The following PCBP2 variants were observed in gnomAD, a reference collection of about 807,000 sequenced individuals.
PCBP2 encodes the protein poly(rC) binding protein 2.
PCBP2 carries 4 observed loss-of-function variants against 50.1 expected under a neutral mutation model. The ratio of observed to expected loss-of-function variants is 0.08; its 90% CI spans 0.04 to 0.18. The LOEUF (loss-of-function observed/expected upper bound fraction) is 0.18, where lower values mean the gene tolerates loss of function less well. PCBP2 is among the 10% of genes least tolerant of loss of function. PCBP2 has a pLI of 1.00. For missense variants in PCBP2, 161 were observed against 474.3 expected (o/e 0.34, Z 6.14); for synonymous variants, 179 against 168.0 (o/e 1.07, Z -0.51).
intron 1 of PCBP2, 128 bp downstream of exon 1, chr12:53,452,504 C>T (rs890609991): frequency 2.0e-5 from 3 of 151,588 alleles, no homozygotes; most frequent in Non-Finnish European, 4.4e-5. Flanking sequence ...CGCCTACCAC[C>T]TCACTGTGCC....
In PCBP2 at chr12:53,471,817, C is replaced by T. The variant is rs531212608; in HGVS notation, c.1052+10C>T. The T allele has an allele frequency of 6.7e-5, 107 of 1,608,358 alleles. 1 individual carries two copies. In the South Asian group the frequency reaches 1.1e-3, roughly 16 times the overall value. ...ATCTAATCAATGTCAGGTAAGATTG[C>T]TCTACCTTTTGTCTTATTTATGCCA... On this transcript the variant is annotated intron_variant, in intron 14 of 14. Coordinates refer to ENST00000546463, the MANE Select transcript of PCBP2 (RefSeq NM_031989.5).
intron 5 of PCBP2, among the ~76,000 whole-genome samples, chr12:53,457,132 A>C (rs1417803901): frequency 6.6e-6 from 1 of 151,770 alleles, no homozygotes; most frequent in Non-Finnish European, 1.5e-5. Flanking sequence ...AGCTCTCTGC[A>C]TCCTCCCAGG....
intron 5 of PCBP2, among the ~76,000 whole-genome samples, chr12:53,458,632 G>T (rs978988749): frequency 6.7e-6 from 1 of 148,594 alleles, no homozygotes; most frequent in Non-Finnish European, 1.5e-5. Context: ...CTTAATATTC[G>T]ATTTGACTTA....
chr12:53,474,284 G>C (rs185735768), intron 14 of PCBP2, among the ~76,000 whole-genome samples: 2 of 152,090 alleles, frequency 1.3e-5, no homozygotes. Flanking sequence ...CTTTGAAAAC[G>C]CTACATTCTT....
chr12:53,474,089 T>C (rs1464478484), intron 14 of PCBP2, among the ~76,000 whole-genome samples: 1 of 152,194 alleles, frequency 6.6e-6, no homozygotes, highest in Non-Finnish European at 1.5e-5. Context: ...GTGGAGCTTA[T>C]TTTGGGAGTG....
intron 9 of PCBP2, 189 bp downstream of exon 9, chr12:53,465,041 A>AAT: frequency 1.8e-6 from 1 of 544,844 alleles, no homozygotes; most frequent in Non-Finnish European, 2.8e-6. Context: ...GGTAACACCA[A>AAT]CTTTTTTTTT....
rs956569019 is a variant in PCBP2, at chr12:53,452,163, C to G, written c.-289C>G. Reference sequence around the variant, plus strand: ...GCCTGCGCCCTCTCCCGCCCGCCCGCCCTCCGCCCGCCCGCCCGCCCTCCG... The same window carrying G: ...GCCTGCGCCCTCTCCCGCCCGCCCGGCCTCCGCCCGCCCGCCCGCCCTCCG... On this transcript the variant is annotated 5_prime_UTR_variant, in exon 1 of 15. Coordinates refer to ENST00000546463, the MANE Select transcript of PCBP2 (RefSeq NM_031989.5). The G allele has an allele frequency of 7.1e-6, 1 of 140,306 alleles. No homozygotes were observed. The highest frequency in any genetic ancestry group is 2.7e-5 in the African/African-American group (1 of 37,636). The allele number at this position is 140,306 out of a possible 1,614,324, so 8.7% of individuals were successfully genotyped here. A position where few individuals can be genotyped will look rare whatever the true frequency, so the allele number is the denominator to read the frequency against.
intron 12 of PCBP2, chr12:53,468,144 T>A (rs1275286437): frequency 3.4e-6 from 1 of 297,862 alleles, no homozygotes; most frequent in Non-Finnish European, 6.1e-6. Flanking sequence ...CTGATGGGAT[T>A]TTTTTTTCTT....
intron 8 of PCBP2, among the ~76,000 whole-genome samples, chr12:53,463,485 C>G (rs1565863808): frequency 1.3e-5 from 2 of 152,094 alleles, no homozygotes; most frequent in African/African-American, 2.4e-5. Context: ...TGTCATTAAA[C>G]AATAGAGTAT....
chr12:53,466,793 C>G (rs906785900), intron 10 of PCBP2, among the ~76,000 whole-genome samples: 1 of 151,968 alleles, frequency 6.6e-6, no homozygotes, highest in Non-Finnish European at 1.5e-5. Context: ...CTCCCTGCCC[C>G]CCTCATCTCC....
At position 53,462,718 on chromosome 12, in the gene PCBP2, G is replaced by A. The variant is rs952909120; in HGVS notation, c.579+151G>A. 1.0e-5 allele frequency: 6 copies of A among 585,044 alleles called. No homozygotes were observed. The African/African-American group carries it at 1.1e-4, about 11-fold the overall frequency. The allele number at this position is 585,044 out of a possible 1,614,324, so 36.2% of individuals were successfully genotyped here. ...GGCTTTTAGTTTTATTTTTGTACTG[G>A]AGAAAGCTGAATGCCTTAATTTTTA... On this transcript the variant is annotated intron_variant, in intron 8 of 14. Transcript: ENST00000546463.
chr12:53,465,053 T>C, intron 9 of PCBP2: 1 of 494,192 alleles, frequency 2.0e-6, no homozygotes, highest in Middle Eastern at 5.4e-4. Flanking sequence ...TTTTTTTTTT[T>C]TTTTAATTTT....
chr12:53,469,788 A>T (rs1165260278), intron 13 of PCBP2, among the ~76,000 whole-genome samples: 1 of 119,436 alleles, frequency 8.4e-6, no homozygotes, highest in East Asian at 2.3e-4. Context: ...TTGAGACGGC[A>T]TCTTGCTCTG....
intron 5 of PCBP2, among the ~76,000 whole-genome samples, chr12:53,458,241 C>T (rs1941189002): frequency 6.7e-6 from 1 of 149,696 alleles, no homozygotes; most frequent in Non-Finnish European, 1.5e-5. Context: ...TTTTAGTTTT[C>T]TAACAGGGTA....
rs549401796 is a variant in PCBP2 at position 53,472,196 on chromosome 12, G to T, written c.1052+389G>T. On this transcript the variant is annotated intron_variant, in intron 14 of 14. Coordinates refer to ENST00000546463, the MANE Select transcript of PCBP2 (RefSeq NM_031989.5). The stretch of plus-strand genomic sequence containing the variant: ...TTTGGAGTCCAAAGCACCCTTAATT[G>T]TAATAAGGACATTGGAGTAATAGGA... 1.3e-4 allele frequency among the ~76,000 whole-genome samples: 20 copies of T among 152,236 alleles called. No homozygotes were observed. The South Asian group carries it at 3.9e-3, about 30-fold the overall frequency.
At chr12:53,471,107 GTTTT>G (rs1942201395) in intron 13 of PCBP2, among the ~76,000 whole-genome samples, 1 of 151,944 alleles carries the variant, frequency 6.6e-6, no homozygotes, top group Non-Finnish European at 1.5e-5. Flanking sequence ...CAAGAGTTGA[GTTTT>G]TTGATCAAAA....
intron 8 of PCBP2, among the ~76,000 whole-genome samples, chr12:53,464,009 T>C (rs1437751425): frequency 6.6e-6 from 1 of 152,236 alleles, no homozygotes; most frequent in Non-Finnish European, 1.5e-5. Flanking sequence ...TGAGTCAGTT[T>C]AGTACCTTGC....
intron 9 of PCBP2, among the ~76,000 whole-genome samples, chr12:53,465,303 G>A (rs1241621066): frequency 2.0e-5 from 3 of 152,006 alleles, no homozygotes; most frequent in Non-Finnish European, 4.4e-5. Context: ...GTTGTGGGGG[G>A]GAGGAGGGCA....
intron 1 of PCBP2, chr12:53,453,165 T>C (rs1342783086): frequency 6.6e-6 from 1 of 151,992 alleles, no homozygotes; most frequent in Non-Finnish European, 1.5e-5. Context: ...TGCATCTTTG[T>C]ACTTTACCTC....
Sources: allele counts gnomAD v4.1 joint callset (sites outside exome capture counted in the v4.1 genomes callset), GRCh38; gene constraint gnomAD v4.1.1; transcripts MANE v1.5; gene names NCBI Gene and HGNC (gene_info 2026-07-23, HGNC 2026-07-21).